Variants in PIP5K1B observed in about 807,000 individuals in gnomAD.
The protein encoded by PIP5K1B is phosphatidylinositol 4-phosphate 5-kinase type-1 beta.
A neutral mutation model predicts 67.0 loss-of-function variants in PIP5K1B; 42 were observed. The observed-to-expected ratio is 0.63, with a 90% confidence interval of 0.49 to 0.81. PIP5K1B has a LOEUF of 0.81. Among genes scored for constraint, PIP5K1B ranks in the 30% least tolerant of loss-of-function variants. The pLI, the probability that PIP5K1B is intolerant of heterozygous loss-of-function variation, is 0.00. For missense variants in PIP5K1B, 459 were observed against 646.3 expected, an observed-to-expected ratio of 0.71 and a Z score of 3.14; for synonymous variants, 214 against 231.4, an observed-to-expected ratio of 0.92 and a Z score of 0.68.
intron 2 of PIP5K1B, among the ~76,000 whole-genome samples, chr9:68,768,025 A>C (rs1333919803): frequency 6.6e-6 from 1 of 152,234 alleles, no homozygotes; most frequent in Non-Finnish European, 1.5e-5. Flanking sequence ...CATTTAAATC[A>C]AATATATAAG....
chr9:68,876,934 T>G (rs1480415975), intron 6 of PIP5K1B, 140 bp downstream of exon 6: 3 of 584,384 alleles, frequency 5.1e-6, no homozygotes, highest in Non-Finnish European at 9.1e-6. Flanking sequence ...TTATAATGAT[T>G]ATAAATTTAG....
At chr9:68,732,551 C>A (rs934444479) in intron 1 of PIP5K1B, among the ~76,000 whole-genome samples, 4 of 152,182 alleles carry the variant, frequency 2.6e-5, no homozygotes, top group African/African-American at 9.6e-5. Flanking sequence ...AGAACTTTGA[C>A]CACCTACTGT....
At chr9:68,837,974 A>C (rs1248733680) in intron 4 of PIP5K1B, among the ~76,000 whole-genome samples, 2 of 151,922 alleles carry the variant, frequency 1.3e-5, no homozygotes, top group Non-Finnish European at 2.9e-5. Context: ...TATGCTCCTC[A>C]GTAAACTTTT....
intron 14 of PIP5K1B, chr9:68,963,326 A>C: frequency 2.4e-5 from 10 of 424,452 alleles, no homozygotes; most frequent in South Asian, 1.5e-4. Context: ...AATATGGTGA[A>C]ACCCCATCTC....
At chr9:68,717,239 GA>G (rs1247428706) in intron 1 of PIP5K1B, among the ~76,000 whole-genome samples, 1 of 152,036 alleles carries the variant, frequency 6.6e-6, no homozygotes, top group East Asian at 1.9e-4. Flanking sequence ...TCTAAAATCT[GA>G]AAAAAAGATT....
intron 4 of PIP5K1B, among the ~76,000 whole-genome samples, chr9:68,854,749 GA>G (rs1479156153): frequency 1.3e-5 from 2 of 152,086 alleles, no homozygotes. Flanking sequence ...ATAAAATTTA[GA>G]AAACTTGGGA....
At chr9:68,861,884 T>C (rs1823094911) in intron 4 of PIP5K1B, among the ~76,000 whole-genome samples, 1 of 147,420 alleles carries the variant, frequency 6.8e-6, no homozygotes, top group Admixed American at 6.8e-5. Context: ...AGGGGGTTTT[T>C]TTGTTTGTTT....
chr9:68,804,540 G>A (rs1186973780), intron 2 of PIP5K1B, among the ~76,000 whole-genome samples: 1 of 151,726 alleles, frequency 6.6e-6, no homozygotes, highest in African/African-American at 2.4e-5. Flanking sequence ...GGCTCCAACT[G>A]TATGACCTTG....
intron 5 of PIP5K1B, among the ~76,000 whole-genome samples, chr9:68,869,173 A>G (rs1458490227): frequency 1.3e-5 from 2 of 152,192 alleles, no homozygotes; most frequent in Non-Finnish European, 2.9e-5. Context: ...GTACCAGTCC[A>G]TGGCTTGTTA....
intron 14 of PIP5K1B, among the ~76,000 whole-genome samples, chr9:68,962,473 T>G (rs1828804433): frequency 6.6e-6 from 1 of 152,212 alleles, no homozygotes; most frequent in African/African-American, 2.4e-5. Context: ...TTGCAAATGA[T>G]TTAAAGTCCT....
intron 2 of PIP5K1B, among the ~76,000 whole-genome samples, chr9:68,815,990 A>G (rs1219886929): frequency 2.0e-5 from 3 of 152,204 alleles, no homozygotes; most frequent in South Asian, 2.1e-4. Context: ...GTAGAGAGCT[A>G]TACTATCTTT....
At chr9:68,821,624 G>A (rs1435938101) in intron 3 of PIP5K1B, among the ~76,000 whole-genome samples, 2 of 152,208 alleles carry the variant, frequency 1.3e-5, no homozygotes, top group South Asian at 2.1e-4. Flanking sequence ...TGATAGCAGT[G>A]TGAATGAGTA....
At chr9:68,971,129 C>A (rs1224636153) in intron 14 of PIP5K1B, among the ~76,000 whole-genome samples, 1 of 152,072 alleles carries the variant, frequency 6.6e-6, no homozygotes, top group South Asian at 2.1e-4. Context: ...TTAGGTAATT[C>A]TCCTAATGAT....
At chr9:68,754,376 A>G (rs905601375) in intron 2 of PIP5K1B, among the ~76,000 whole-genome samples, 6 of 151,180 alleles carry the variant, frequency 4.0e-5, no homozygotes, top group Admixed American at 1.3e-4. Context: ...TCACCGTGTT[A>G]GCCAGGATGG....
intron 14 of PIP5K1B, among the ~76,000 whole-genome samples, chr9:68,947,595 A>T (rs1356812537): frequency 6.6e-6 from 1 of 152,170 alleles, no homozygotes; most frequent in Non-Finnish European, 1.5e-5. Context: ...TTTTTAAAAG[A>T]GAGAGAGAGG....
chr9:68,750,767 G>A (rs1311701833), intron 2 of PIP5K1B, among the ~76,000 whole-genome samples: 1 of 152,210 alleles, frequency 6.6e-6, no homozygotes, highest in Non-Finnish European at 1.5e-5. Flanking sequence ...GAAACCAGCA[G>A]TTTAGGGAAG....
At chr9:68,771,535 C>T (rs906860966) in intron 2 of PIP5K1B, among the ~76,000 whole-genome samples, 3 of 152,192 alleles carry the variant, frequency 2.0e-5, no homozygotes, top group African/African-American at 7.2e-5. Flanking sequence ...TCTACTGTCA[C>T]CTCAGGCAAC....
intron 14 of PIP5K1B, among the ~76,000 whole-genome samples, chr9:68,946,783 C>T (rs1331717567): frequency 9.9e-5 from 15 of 152,164 alleles, no homozygotes; most frequent in Non-Finnish European, 1.5e-5. Context: ...GGTAAAGATG[C>T]TCATGCGTCT....
chr9:68,863,598 C>T (rs1336158102), intron 4 of PIP5K1B, among the ~76,000 whole-genome samples: 1 of 152,118 alleles, frequency 6.6e-6, no homozygotes, highest in Non-Finnish European at 1.5e-5. Flanking sequence ...GACTAGTAAG[C>T]AATTTCCAAA....
Sources: gnomAD v4.1 joint callset for allele counts (sites outside exome capture counted in the v4.1 genomes callset) on GRCh38, gnomAD v4.1.1 for gene constraint, MANE v1.5 for transcripts, NCBI Gene and HGNC (gene_info 2026-07-23, HGNC 2026-07-21) for gene names.